The following ULK4 variants were observed in gnomAD, a reference collection of about 807,000 sequenced individuals.
ULK4 encodes the protein unc-51 like kinase 4.
Under a neutral mutation model 160.6 loss-of-function variants are expected in ULK4, and 133 were observed. The ratio of observed to expected loss-of-function variants is 0.83; its 90% CI spans 0.72 to 0.96. The LOEUF is 0.96. ULK4 is among the 40% of genes least tolerant of loss of function. ULK4 has a pLI of 0.00. For missense variants in ULK4, 1,580 were observed against 1,499.5 expected, an observed-to-expected ratio of 1.05 and a Z score of -0.89; for synonymous variants, 534 against 539.8, an observed-to-expected ratio of 0.99 and a Z score of 0.15.
intron 35 of ULK4, among the ~76,000 whole-genome samples, chr3:41,334,615 G>A (rs937007266): frequency 2.0e-5 from 3 of 152,178 alleles, no homozygotes; most frequent in Admixed American, 6.5e-5. Flanking sequence ...AGCCTGCTGC[G>A]TCTCCTCCTC....
chr3:41,420,475 C>CTTT (rs1165381982), intron 34 of ULK4, among the ~76,000 whole-genome samples: 1,039 of 40,858 alleles, frequency 0.025, 70 homozygotes, highest in Middle Eastern at 0.056. Context: ...CCAGTTCTTT[C>CTTT]TTTTTTTTTT....
intron 30 of ULK4, among the ~76,000 whole-genome samples, chr3:41,644,835 G>C (rs552756709): frequency 1.0e-3 from 157 of 152,044 alleles, no homozygotes; most frequent in African/African-American, 2.0e-3. Flanking sequence ...GACTCTTTTT[G>C]GTTGGTAAGC....
chr3:41,482,802 T>G (rs1559636717), intron 32 of ULK4, among the ~76,000 whole-genome samples: 2 of 152,352 alleles, frequency 1.3e-5, no homozygotes, highest in Non-Finnish European at 2.9e-5. Context: ...AATTCCTTTT[T>G]TAAAAAAATT....
rs182721255 is a variant in ULK4, at chr3:41,916,186, C to G, written c.728-134G>C. On this transcript the variant is annotated intron_variant, in intron 7 of 36. Coordinates refer to ENST00000301831, the MANE Select transcript of ULK4 (RefSeq NM_017886.4). Reference sequence around the variant, plus strand: ...ATTATTATTAAGAGAACACTAAATCCATTAACAACAATTATATCCTCTATT... The same window carrying G: ...ATTATTATTAAGAGAACACTAAATCGATTAACAACAATTATATCCTCTATT... 8 of 576,560 alleles carry G rather than the reference C, an allele frequency of 1.4e-5. No homozygotes were observed. The Admixed American group carries it at 3.1e-4, about 22-fold the overall frequency. 35.7% of individuals were successfully genotyped at this position (576,560 alleles called of 1,614,324 possible).
intron 25 of ULK4, among the ~76,000 whole-genome samples, chr3:41,706,023 C>T (rs1205993272): frequency 2.0e-5 from 3 of 152,042 alleles, no homozygotes; most frequent in Non-Finnish European, 4.4e-5. Context: ...GCTCTCAAGG[C>T]CTGTCTTCAA....
chr3:41,545,219 C>T (rs960638448), intron 32 of ULK4, among the ~76,000 whole-genome samples: 5 of 152,122 alleles, frequency 3.3e-5, no homozygotes, highest in African/African-American at 9.7e-5. Flanking sequence ...ACCACATTCG[C>T]GTTCTCTCTT....
At chr3:41,773,162 A>T (rs891052728) in intron 21 of ULK4, among the ~76,000 whole-genome samples, 2 of 152,216 alleles carry the variant, frequency 1.3e-5, no homozygotes, top group African/African-American at 4.8e-5. Context: ...AACTGGCACA[A>T]GACAGGGATG....
intron 18 of ULK4, among the ~76,000 whole-genome samples, chr3:41,830,399 C>A (rs1024247464): frequency 6.6e-6 from 1 of 151,534 alleles, no homozygotes; most frequent in African/African-American, 2.4e-5. Context: ...TTCTAGAAAA[C>A]GAAAACAAGT....
chr3:41,928,211 C>A (rs1699451395), intron 5 of ULK4, among the ~76,000 whole-genome samples: 1 of 152,214 alleles, frequency 6.6e-6, no homozygotes, highest in Non-Finnish European at 1.5e-5. Context: ...AAAAACCACA[C>A]AACTACATGG....
chr3:41,551,052 GAAACAAAA>G (rs149151674), intron 32 of ULK4, among the ~76,000 whole-genome samples: 62,870 of 150,786 alleles, frequency 0.42, 14,503 homozygotes, highest in Non-Finnish European at 0.51. Flanking sequence ...AAGAAATCAG[GAAACAAAA>G]AAACAAAAAA....
chr3:41,429,015 A>C (rs1043851505), intron 34 of ULK4, among the ~76,000 whole-genome samples: 4 of 152,140 alleles, frequency 2.6e-5, no homozygotes, highest in African/African-American at 9.7e-5. Flanking sequence ...CCGTCAGACA[A>C]AGGTCTAATA....
chr3:41,726,887 A>G (rs1008284553), intron 22 of ULK4, among the ~76,000 whole-genome samples: 1 of 152,160 alleles, frequency 6.6e-6, no homozygotes, highest in Non-Finnish European at 1.5e-5. Context: ...ACCTAAAATG[A>G]TCTGCCCACT....
chr3:41,747,676 T>C (rs1559524859), intron 22 of ULK4, among the ~76,000 whole-genome samples: 1 of 151,998 alleles, frequency 6.6e-6, no homozygotes, highest in African/African-American at 2.4e-5. Flanking sequence ...AATGACACCA[T>C]GTGGGGGGGC....
At chr3:41,536,157 AC>A (rs1274773321) in intron 32 of ULK4, among the ~76,000 whole-genome samples, 1 of 151,860 alleles carries the variant, frequency 6.6e-6, no homozygotes, top group Non-Finnish European at 1.5e-5. Context: ...CAGATTGTCA[AC>A]CTCTTTTCTA....
chr3:41,551,019 C>T (rs1251984585), intron 32 of ULK4, among the ~76,000 whole-genome samples: 1 of 150,940 alleles, frequency 6.6e-6, no homozygotes, highest in Non-Finnish European at 1.5e-5. Flanking sequence ...CAAATTTGCT[C>T]CTGAATGACC....
intron 27 of ULK4, among the ~76,000 whole-genome samples, chr3:41,699,872 C>T (rs567971714): frequency 5.3e-5 from 8 of 152,246 alleles, no homozygotes; most frequent in South Asian, 2.1e-4. Context: ...TTCTAATAGA[C>T]GCTGTAGTTA....
At chr3:41,613,209 C>A (rs2032785269) in intron 31 of ULK4, among the ~76,000 whole-genome samples, 1 of 152,084 alleles carries the variant, frequency 6.6e-6, no homozygotes, top group Non-Finnish European at 1.5e-5. Flanking sequence ...TCCTTGAAAC[C>A]TGAAATCTAT....
At chr3:41,380,610 C>G (rs973702335) in intron 35 of ULK4, among the ~76,000 whole-genome samples, 4 of 152,132 alleles carry the variant, frequency 2.6e-5, no homozygotes, top group Non-Finnish European at 5.9e-5. Flanking sequence ...CTCACGGCCT[C>G]ACCCATCCAG....
chr3:41,467,130 T>C (rs2083855884), intron 32 of ULK4, among the ~76,000 whole-genome samples: 1 of 152,210 alleles, frequency 6.6e-6, no homozygotes, highest in African/African-American at 2.4e-5. Flanking sequence ...TAAATCTAAA[T>C]ATACATTTAC....
Sources: gnomAD v4.1 joint callset for allele counts (sites outside exome capture counted in the v4.1 genomes callset) on GRCh38, gnomAD v4.1.1 for gene constraint, MANE v1.5 for transcripts, NCBI Gene and HGNC (gene_info 2026-07-23, HGNC 2026-07-21) for gene names.